SUMF1: variants seen among roughly 807,000 people sequenced by gnomAD.
SUMF1 encodes the protein formylglycine-generating enzyme.
SUMF1 carries 48 observed loss-of-function variants against 47.6 expected under a neutral mutation model. The ratio of observed to expected loss-of-function variants is 1.01; its 90% CI spans 0.80 to 1.28. The LOEUF is 1.28. SUMF1 is among the 50% of genes most tolerant of loss of function. The probability of loss-of-function intolerance (pLI) is 0.00; values close to 1 mark genes in which losing one functional copy is unlikely to be tolerated. For missense variants in SUMF1, 571 were observed against 485.4 expected (o/e 1.18, Z -1.66); for synonymous variants, 230 against 192.1 (o/e 1.20, Z -1.63).
At chr3:4,282,147 T>C (rs533664233) in intron 8 of SUMF1, among the ~76,000 whole-genome samples, 17 of 152,278 alleles carry the variant, frequency 1.1e-4, no homozygotes, top group Non-Finnish European at 2.2e-4. Context: ...TTAAATCCAG[T>C]AACAATGTAG....
At chr3:4,180,683 A>AACACACACAC (rs59921396) in intron 8 of SUMF1, among the ~76,000 whole-genome samples, 43 of 139,732 alleles carry the variant, frequency 3.1e-4, no homozygotes, top group Non-Finnish European at 4.4e-4. Flanking sequence ...CCTAGAACTT[A>AACACACACAC]ACACACACAC....
chr3:4,221,008 A>G (rs1430845475), intron 8 of SUMF1, among the ~76,000 whole-genome samples: 2 of 152,126 alleles, frequency 1.3e-5, no homozygotes, highest in African/African-American at 2.4e-5. Flanking sequence ...GCCCACACAT[A>G]TTTCTCACTA....
intron 8 of SUMF1, among the ~76,000 whole-genome samples, chr3:4,172,810 T>G (rs910127195): frequency 3.3e-5 from 5 of 152,218 alleles, no homozygotes; most frequent in African/African-American, 1.2e-4. Flanking sequence ...TTCTGTAGGT[T>G]GCCTGTTCAC....
intron 8 of SUMF1, among the ~76,000 whole-genome samples, chr3:4,363,056 A>T (rs1423532751): frequency 6.6e-6 from 1 of 152,254 alleles, no homozygotes; most frequent in African/African-American, 2.4e-5. Context: ...CACAGTAGTT[A>T]TCCCTCAAGC....
At chr3:4,266,260 T>C (rs1377361352) in intron 8 of SUMF1, among the ~76,000 whole-genome samples, 1 of 152,222 alleles carries the variant, frequency 6.6e-6, no homozygotes, top group Non-Finnish European at 1.5e-5. Context: ...TTTCCAATTC[T>C]GTGAAGAAAG....
chr3:4,303,399 G>A (rs766385284), intron 8 of SUMF1: 3 of 1,558,224 alleles, frequency 1.9e-6, no homozygotes, highest in South Asian at 1.2e-5. Context: ...AAGACGACAC[G>A]GCCTTGTGGG....
intron 8 of SUMF1, among the ~76,000 whole-genome samples, chr3:4,328,891 G>A (rs1037762523): frequency 6.6e-6 from 1 of 152,154 alleles, no homozygotes; most frequent in Non-Finnish European, 1.5e-5. Context: ...TACAATGGGG[G>A]TACAGGCATT....
intron 7 of SUMF1, among the ~76,000 whole-genome samples, chr3:4,383,772 G>T (rs764715771): frequency 6.6e-6 from 1 of 152,212 alleles, no homozygotes; most frequent in African/African-American, 2.4e-5. Context: ...AACATGAAGT[G>T]CATGTTGCCT....
Position 4,086,627 on chromosome 3 carries a change from G to A in SUMF1, c.1015-17882C>T, listed in dbSNP as rs117493235. 1.6e-4 allele frequency among the ~76,000 whole-genome samples: 25 copies of A among 152,152 alleles called. No homozygotes were observed. In the East Asian group the frequency reaches 4.2e-3, roughly 26 times the overall value. On this transcript the variant is annotated intron_variant and NMD_transcript_variant, in intron 8 of 12. Transcript: ENST00000448413. The stretch of plus-strand genomic sequence containing the variant: ...TGCAAGTGGTTAGAGAACTGTAAAT[G>A]TCATACAGTTATAATGAACTAGAAG...
chr3:4,242,832 A>C (rs1372126278), intron 8 of SUMF1, among the ~76,000 whole-genome samples: 3 of 152,178 alleles, frequency 2.0e-5, no homozygotes, highest in African/African-American at 4.8e-5. Context: ...TGATTGGAAT[A>C]GTTTTCTGAA....
At chr3:4,160,460 G>A (rs994627380) in intron 8 of SUMF1, among the ~76,000 whole-genome samples, 3 of 151,950 alleles carry the variant, frequency 2.0e-5, no homozygotes, top group Non-Finnish European at 4.4e-5. Flanking sequence ...GGCTGATCTC[G>A]AACTCCTGAC....
intron 1 of SUMF1, among the ~76,000 whole-genome samples, chr3:4,465,080 G>C (rs1339982520): frequency 6.6e-6 from 1 of 152,194 alleles, no homozygotes; most frequent in Non-Finnish European, 1.5e-5. Context: ...GCTTGCCAGA[G>C]GAATCTAGAT....
intron 8 of SUMF1, among the ~76,000 whole-genome samples, chr3:4,234,766 G>C (rs190542105): frequency 6.6e-6 from 1 of 152,082 alleles, no homozygotes; most frequent in Non-Finnish European, 1.5e-5. Context: ...GTTAAAGAGG[G>C]ATGGGGGAAC....
At chr3:4,257,020 T>C (rs1216009181) in intron 8 of SUMF1, among the ~76,000 whole-genome samples, 2 of 120,550 alleles carry the variant, frequency 1.7e-5, no homozygotes, top group Admixed American at 8.2e-5. Flanking sequence ...CACATGATTA[T>C]CTCAATAGAG....
intron 8 of SUMF1, among the ~76,000 whole-genome samples, chr3:4,160,728 T>A (rs967424179): frequency 6.6e-6 from 1 of 152,102 alleles, no homozygotes; most frequent in African/African-American, 2.4e-5. Context: ...TCCTTCTCTG[T>A]GTTATCTCTA....
chr3:4,462,594 C>CA (rs1410259760), intron 1 of SUMF1, among the ~76,000 whole-genome samples: 1 of 152,164 alleles, frequency 6.6e-6, no homozygotes, highest in Non-Finnish European at 1.5e-5. Context: ...AAAATAGAAT[C>CA]AGCTCATACG....
chr3:4,167,033 C>T lies in SUMF1; in HGVS notation c.1015-98288G>A, dbSNP rs569850251. Reference sequence around the variant, plus strand: ...GGACAGAACAGCAAGCAAAAGGGTTCTGATGGTACTCACCACGTGGCGATA... The same window carrying T: ...GGACAGAACAGCAAGCAAAAGGGTTTTGATGGTACTCACCACGTGGCGATA... On this transcript the variant is annotated intron_variant and NMD_transcript_variant, in intron 8 of 12. Coordinates refer to the SUMF1 transcript ENST00000448413. Among the ~76,000 whole-genome samples the T allele has an allele frequency of 7.2e-5, 11 of 152,146 alleles. No individual in the cohort carries two copies. The East Asian group carries it at 2.1e-3, about 29-fold the overall frequency.
At chr3:4,190,332 C>G (rs1307665301) in intron 8 of SUMF1, among the ~76,000 whole-genome samples, 1 of 152,036 alleles carries the variant, frequency 6.6e-6, no homozygotes, top group Non-Finnish European at 1.5e-5. Context: ...GTGTTGGCGA[C>G]AGCAACGTGT....
At chr3:4,039,725 A>T (rs1309759814) in intron 9 of SUMF1, among the ~76,000 whole-genome samples, 3 of 152,118 alleles carry the variant, frequency 2.0e-5, no homozygotes, top group Non-Finnish European at 4.4e-5. Flanking sequence ...ATAGTTAATT[A>T]TAATGTTTTG....
Sources: gnomAD v4.1 joint callset for allele counts (sites outside exome capture counted in the v4.1 genomes callset) on GRCh38, gnomAD v4.1.1 for gene constraint, MANE v1.5 for transcripts, NCBI Gene and HGNC (gene_info 2026-07-23, HGNC 2026-07-21) for gene names.